The following CASP8 variants were observed in gnomAD, a reference collection of about 807,000 sequenced individuals.
CASP8 encodes the protein caspase-8.
A neutral mutation model predicts 46.3 loss-of-function variants in CASP8; 24 were observed. The observed-to-expected ratio is 0.52, with a 90% CI of 0.38 to 0.73. The LOEUF (loss-of-function observed/expected upper bound fraction) is 0.73. CASP8 is among the 30% of genes least tolerant of loss of function. The pLI, the probability that CASP8 is intolerant of heterozygous loss-of-function variation, is 0.00. For missense variants in CASP8, 460 were observed against 559.0 expected (o/e 0.82, Z 1.79); for synonymous variants, 188 against 200.4 (o/e 0.94, Z 0.52).
In CASP8 at chr2:201,266,795, G is replaced by A; in HGVS notation, c.305+4G>A. ...GGGCTCAAATTTCTGCCTACAGGTG[G>A]GTGGAAACTCCCATTGTGGGACTGG... On this transcript the variant is annotated splice_donor_region_variant and intron_variant, in intron 2 of 8. Coordinates refer to ENST00000673742, the MANE Select transcript of CASP8 (RefSeq NM_001372051.1). This position sits in a 1 kb window ranked among gnomAD's most constrained non-coding sequence, Gnocchi z 5.7. The A allele has an allele frequency of 6.2e-7, 1 of 1,609,614 alleles. No individual in the cohort carries two copies. Among genetic ancestry groups the A allele is most frequent in the Non-Finnish European group, 8.5e-7 (1 of 1,176,938 alleles).
intron 8 of CASP8, 67 bp downstream of exon 8, chr2:201,285,384 T>C: frequency 6.5e-7 from 1 of 1,540,680 alleles, no homozygotes; most frequent in South Asian, 1.1e-5. Flanking sequence ...ATCACACTAC[T>C]ATCTACTCAT....
intron 2 of CASP8, among the ~76,000 whole-genome samples, chr2:201,244,534 G>T (rs1946429657): frequency 6.6e-6 from 1 of 152,084 alleles, no homozygotes; most frequent in Non-Finnish European, 1.5e-5. Context: ...AGGGAGGTGG[G>T]CTGTAATCTG....
Position 201,284,896 on chromosome 2 carries a change from A to G in CASP8, c.883A>G (p.Ile295Val), listed in dbSNP as rs979257464. Residue 295 changes from isoleucine (I) to valine (V), a missense_variant, in exon 8 of 9, where the codon ATT becomes GTT. Physicochemically the swap from Ile to Val is conservative, Grantham distance 29. Coordinates refer to ENST00000673742, the MANE Select transcript of CASP8 (RefSeq NM_001372051.1). ...DDCTVEQIYE[I>V]LKIYQLMDHS... ...CTGCACAGTAGAGCAAATCTATGAG[A>G]TTTTGAAAATCTACCAACTCATGGA... The G allele has an allele frequency of 1.2e-5, 20 of 1,614,090 alleles. No individual in the cohort carries two copies. The African/African-American group carries it at 1.6e-4, about 13-fold the overall frequency.
At chr2:201,276,724 G>T in intron 6 of CASP8, 103 bp from the exon 7 acceptor site, 1 of 1,452,470 alleles carries the variant, frequency 6.9e-7, no homozygotes, top group Non-Finnish European at 9.6e-7. Flanking sequence ...CCGAGTTGGG[G>T]TGGTGCAATG....
In CASP8 at chr2:201,286,627, T is replaced by G; in HGVS notation, c.*33T>G. The stretch of plus-strand genomic sequence containing the variant: ...ATTTTGTTTGTTTTGTTTTGTTTTG[T>G]TTTTTTGAGACAGAATCTCGCTCTG... On this transcript the variant is annotated 3_prime_UTR_variant, in exon 9 of 9. Coordinates refer to ENST00000673742, the MANE Select transcript of CASP8 (RefSeq NM_001372051.1). The G allele has an allele frequency of 6.3e-7, 1 of 1,593,272 alleles. No individual in the cohort carries two copies. Among genetic ancestry groups the G allele is most frequent in the South Asian group, 1.1e-5 (1 of 90,050 alleles).
rs1341394415 is a variant in CASP8, at chr2:201,269,227, C to G, written c.306-2289C>G. On this transcript the variant is annotated intron_variant, in intron 2 of 8. Transcript: ENST00000673742. ...GTTCTGGGATTACGGGCATGAGCCA[C>G]TGCGCCTGGCCAGCATGACCTCATC... Among the ~76,000 whole-genome samples, 3 of 152,126 alleles carry G rather than the reference C, an allele frequency of 2.0e-5. 1 individual carries two copies. Among genetic ancestry groups the G allele is most frequent in the Admixed American group, 6.5e-5 (1 of 15,272 alleles).
chr2:201,242,817 G>T (rs1946359337), intron 2 of CASP8: 1 of 152,086 alleles, frequency 6.6e-6, no homozygotes, highest in Non-Finnish European at 1.5e-5. Flanking sequence ...ATTTACAGTA[G>T]CCAAGATGTG....
chr2:201,282,731 C>T (rs1949170722), intron 7 of CASP8, among the ~76,000 whole-genome samples: 1 of 81,830 alleles, frequency 1.2e-5, no homozygotes. Context: ...GGCGGCTGGC[C>T]GGGCAGAGGG....
chr2:201,274,669 G>A (rs566402517), intron 5 of CASP8, among the ~76,000 whole-genome samples: 34 of 152,296 alleles, frequency 2.2e-4, no homozygotes, highest in African/African-American at 7.7e-4. Context: ...TAGAGACAGG[G>A]TTTCACCATG....
chr2:201,285,213 G>A lies in CASP8; in HGVS notation c.1200G>A (p.Leu400=), dbSNP rs1949499954. 6.2e-7 allele frequency: 1 copy of A among 1,614,186 alleles called. No homozygotes were observed. Among genetic ancestry groups the A allele is most frequent in the Non-Finnish European group, 8.5e-7 (1 of 1,180,036 alleles). The part of the protein sequence containing the change: ...TRYIPDEADF[L]LGMATVNNCV... ...ATATCCCGGATGAGGCTGACTTTCT[G>A]CTGGGGATGGCCACTGTGAATAACT... Residue 400 remains leucine (L), a synonymous_variant, in exon 8 of 9, where the codon CTG becomes CTA. Transcript: ENST00000673742.
intron 5 of CASP8, among the ~76,000 whole-genome samples, chr2:201,274,391 C>T (rs1948489835): frequency 6.6e-6 from 1 of 152,150 alleles, no homozygotes. Context: ...CTTGTGTTTC[C>T]AGAAGCATGT....
chr2:201,252,540 G>C (rs1946832721), intron 2 of CASP8, among the ~76,000 whole-genome samples: 1 of 152,156 alleles, frequency 6.6e-6, no homozygotes, highest in Non-Finnish European at 1.5e-5. Context: ...AGTTTTAAGA[G>C]TTCTTTGTAC....
At chr2:201,267,239 C>T (rs973967643) in intron 2 of CASP8, among the ~76,000 whole-genome samples, 6 of 152,094 alleles carry the variant, frequency 3.9e-5, no homozygotes, top group East Asian at 1.9e-4. Flanking sequence ...TGATGCCTCT[C>T]GATATCCAGA....
intron 2 of CASP8, among the ~76,000 whole-genome samples, chr2:201,247,875 A>C (rs1576224287): frequency 6.6e-6 from 1 of 152,064 alleles, no homozygotes; most frequent in South Asian, 2.1e-4. Context: ...CGATCTCCTG[A>C]CCTCGTGATC....
At chr2:201,284,433 G>A (rs1176734729) in intron 7 of CASP8, among the ~76,000 whole-genome samples, 52 of 70,314 alleles carry the variant, frequency 7.4e-4, no homozygotes, top group African/African-American at 2.3e-3. Context: ...CGGCACCTCG[G>A]GAGGCCGAGG....
chr2:201,271,776 G>A (rs546216692), intron 3 of CASP8, among the ~76,000 whole-genome samples, 155 bp downstream of exon 3: 2 of 152,330 alleles, frequency 1.3e-5, no homozygotes, highest in African/African-American at 4.8e-5. Flanking sequence ...TTACAGATGT[G>A]ATTCCTTTAG....
chr2:201,251,844 T>C (rs1273067342), intron 2 of CASP8, among the ~76,000 whole-genome samples: 1 of 151,190 alleles, frequency 6.6e-6, no homozygotes, highest in Non-Finnish European at 1.5e-5. Context: ...GAGGCTGTAG[T>C]GAGCCAAGAT....
chr2:201,243,653 G>A (rs1946391690), intron 2 of CASP8, among the ~76,000 whole-genome samples: 1 of 152,226 alleles, frequency 6.6e-6, no homozygotes. Context: ...GAATTAGGAA[G>A]TTCTGGAGTG....
intron 7 of CASP8, among the ~76,000 whole-genome samples, chr2:201,283,474 G>A (rs1949284131): frequency 1.2e-5 from 1 of 81,916 alleles, no homozygotes; most frequent in African/African-American, 4.1e-5. Flanking sequence ...TGGACGGGGC[G>A]ACTGGCCGGG....
Sources: allele counts gnomAD v4.1 joint callset (sites outside exome capture counted in the v4.1 genomes callset), GRCh38; gene constraint gnomAD v4.1.1; non-coding constraint Gnocchi (gnomAD v3.1); transcripts MANE v1.5; gene names NCBI Gene and HGNC (gene_info 2026-07-23, HGNC 2026-07-21).